PSMF1: variants seen among roughly 807,000 people sequenced by gnomAD.
The protein encoded by PSMF1 is proteasome inhibitor subunit 1.
Under a neutral mutation model 29.3 loss-of-function variants are expected in PSMF1, and 30 were observed. That is an observed-to-expected ratio of 1.02 (90% CI 0.77 to 1.39). The LOEUF is 1.39. PSMF1 is among the 40% of genes most tolerant of loss of function. The pLI, the probability that PSMF1 is intolerant of heterozygous loss-of-function variation, is 0.00. For missense variants in PSMF1, 344 were observed against 357.5 expected (o/e 0.96, Z 0.31); for synonymous variants, 134 against 139.7 (o/e 0.96, Z 0.29).
intron 4 of PSMF1, among the ~76,000 whole-genome samples, chr20:1,144,954 C>T (rs915480045): frequency 2.0e-5 from 3 of 152,026 alleles, no homozygotes; most frequent in African/African-American, 7.2e-5. Context: ...GGTGCGATCT[C>T]GGCTCACTGC....
chr20:1,130,505 T>A (rs913945316), intron 3 of PSMF1, among the ~76,000 whole-genome samples: 1 of 152,234 alleles, frequency 6.6e-6, no homozygotes, highest in Non-Finnish European at 1.5e-5. Context: ...CTCTTCCCTC[T>A]GTCTAAAGTG....
At chr20:1,152,978 C>G (rs1028946602) in intron 4 of PSMF1, among the ~76,000 whole-genome samples, 60 of 152,282 alleles carry the variant, frequency 3.9e-4, no homozygotes, top group African/African-American at 1.3e-3. Flanking sequence ...AAGGACCAAG[C>G]CTGTTTATAG....
chr20:1,166,267 T>A lies in PSMF1; in HGVS notation c.*1187T>A. The A allele has an allele frequency of 6.2e-7, 1 of 1,611,954 alleles. No individual in the cohort carries two copies. The highest frequency in any genetic ancestry group is 8.5e-7 in the Non-Finnish European group (1 of 1,179,448). ...ACGCGGGCAGTGATGAGCCCTGTTC[T>A]GGAGTGGAAAGAGCACGATAGAGCA... On this transcript the variant is annotated 3_prime_UTR_variant, in exon 7 of 7. Transcript: ENST00000335877.
chr20:1,165,571 C>A lies in PSMF1; in HGVS notation c.*491C>A. ...AGGGCTGAATGACTCTTTTTCCTGC[C>A]CAGGGCCCATTCTTGCTTCTCAGGC... On this transcript the variant is annotated 3_prime_UTR_variant, in exon 7 of 7. Coordinates refer to ENST00000335877, the MANE Select transcript of PSMF1 (RefSeq NM_006814.5). 1 of 995,056 alleles carries A rather than the reference C, an allele frequency of 1.0e-6. No individual in the cohort carries two copies. The highest frequency in any genetic ancestry group is 1.1e-4 in the East Asian group (1 of 9,116). 61.6% of individuals were successfully genotyped at this position (995,056 alleles called of 1,614,324 possible).
At chr20:1,132,968 T>G (rs2086249547) in intron 3 of PSMF1, among the ~76,000 whole-genome samples, 1 of 89,538 alleles carries the variant, frequency 1.1e-5, no homozygotes, top group African/African-American at 3.8e-5. Flanking sequence ...AGGGTTTTTT[T>G]GTTTTTTTTT....
intron 1 of PSMF1, among the ~76,000 whole-genome samples, chr20:1,122,211 C>T (rs922791005): frequency 5.3e-5 from 8 of 152,152 alleles, no homozygotes; most frequent in Non-Finnish European, 1.0e-4. Flanking sequence ...CCAAGCACAG[C>T]CCTACACCTG....
In PSMF1 at chr20:1,160,553, G is replaced by A. The variant is rs995200663; in HGVS notation, c.552-2577G>A. On this transcript the variant is annotated intron_variant, in intron 4 of 6. Transcript: ENST00000335877. ...GGCCTGTGCTCCATGTCTTCCCACC[G>A]CTCTGCCGCCCAGCTCCTCCACCGA... 1.0e-4 allele frequency: 45 copies of A among 437,552 alleles called. 1 individual carries two copies. Among genetic ancestry groups the A allele is most frequent in the Admixed American group, 7.5e-4 (31 of 41,082 alleles). 27.1% of individuals were successfully genotyped at this position (437,552 alleles called of 1,614,324 possible). A position where few individuals can be genotyped will look rare whatever the true frequency, so the allele number is the denominator to read the frequency against.
intron 4 of PSMF1, among the ~76,000 whole-genome samples, chr20:1,139,796 A>G (rs938800998): frequency 1.3e-5 from 2 of 152,176 alleles, no homozygotes; most frequent in Non-Finnish European, 2.9e-5. Context: ...TTAGCAATGA[A>G]CAATCTAAAA....
intron 3 of PSMF1, among the ~76,000 whole-genome samples, chr20:1,131,083 G>A (rs1253941377): frequency 1.3e-5 from 2 of 152,266 alleles, no homozygotes; most frequent in Non-Finnish European, 2.9e-5. Flanking sequence ...AGAATGCCGC[G>A]CCTCTGGGTG....
chr20:1,165,311 T>TCAGCTCCTCCCCTTTCACCAC lies in PSMF1; in HGVS notation c.*241_*261dup. On this transcript the variant is annotated 3_prime_UTR_variant, in exon 7 of 7. Coordinates refer to ENST00000335877, the MANE Select transcript of PSMF1 (RefSeq NM_006814.5). ...AGAAATCAGTGTGTCTCTTTCACCA[T>TCAGCTCCTCCCCTTTCACCAC]CAGCTCCTCCCCTTTCACCACCAGC... is the stretch of plus-strand genomic sequence containing the variant. 1.4e-6 allele frequency: 2 copies of TCAGCTCCTCCCCTTTCACCAC among 1,402,170 alleles called. No homozygotes were observed. Among genetic ancestry groups the TCAGCTCCTCCCCTTTCACCAC allele is most frequent in the Non-Finnish European group, 1.8e-6 (2 of 1,081,260 alleles). The allele number at this position is 1,402,170 out of a possible 1,614,324, so 86.9% of individuals were successfully genotyped here. A position where few individuals can be genotyped will look rare whatever the true frequency, so the allele number is the denominator to read the frequency against.
upstream of PSMF1, among the ~76,000 whole-genome samples, chr20:1,113,702 G>GT (rs2085989123): frequency 6.6e-6 from 1 of 150,462 alleles, no homozygotes; most frequent in Non-Finnish European, 1.5e-5. Flanking sequence ...TTTGTTTTTT[G>GT]GTTTTTTTGA....
chr20:1,154,162 TA>T (rs1363751328), intron 4 of PSMF1, among the ~76,000 whole-genome samples: 2 of 152,244 alleles, frequency 1.3e-5, no homozygotes, highest in Non-Finnish European at 2.9e-5. Context: ...ACAGTCACAT[TA>T]AAACATGCTT....
chr20:1,159,560 A>T (rs2086640333), intron 4 of PSMF1, among the ~76,000 whole-genome samples: 3 of 152,190 alleles, frequency 2.0e-5, no homozygotes, highest in South Asian at 2.1e-4. Flanking sequence ...CATATTTCAG[A>T]GCAATCTTTA....
At chr20:1,159,736 C>T (rs191459058) in intron 4 of PSMF1, among the ~76,000 whole-genome samples, 4 of 152,264 alleles carry the variant, frequency 2.6e-5, no homozygotes, top group African/African-American at 9.6e-5. Context: ...CTGCTAGCTC[C>T]ATGAACTGTG....
At chr20:1,157,037 C>T (rs1028778798) in intron 4 of PSMF1, among the ~76,000 whole-genome samples, 1 of 152,156 alleles carries the variant, frequency 6.6e-6, no homozygotes, top group East Asian at 1.9e-4. Context: ...CAAGGAGAGC[C>T]GGTCTGAGTC....
Position 1,135,202 on chromosome 20 carries a change from T to A in PSMF1, c.447T>A (p.Ala149=). 1 of 1,614,134 alleles carries A rather than the reference T, an allele frequency of 6.2e-7. No individual in the cohort carries two copies. The highest frequency in any genetic ancestry group is 8.5e-7 in the Non-Finnish European group (1 of 1,180,024). ...CTATCCATGAGCAGTGGGAAAAGGC[T>A]AATGTAAGCAGTCCCCACCGGGAGT... ...ITPIHEQWEK[A]NVSSPHREFP... Residue 149 remains alanine, a synonymous_variant, in exon 4 of 7, where the codon GCT becomes GCA. Transcript: ENST00000335877.
intron 3 of PSMF1, among the ~76,000 whole-genome samples, chr20:1,131,977 T>G (rs142571552): frequency 1.2e-3 from 185 of 152,266 alleles, no homozygotes; most frequent in African/African-American, 4.1e-3. Context: ...AAGCAGCTCA[T>G]TTTTTACCCA....
Position 1,118,874 on chromosome 20 carries a change from G to T in PSMF1, c.101G>T (p.Gly34Val). The T allele has an allele frequency of 6.2e-7, 1 of 1,614,172 alleles. No homozygotes were observed. Among genetic ancestry groups the T allele is most frequent in the Non-Finnish European group, 8.5e-7 (1 of 1,179,982 alleles). Residue 34 changes from glycine to valine, a missense_variant, in exon 1 of 7, where the codon GGT (glycine) becomes GTT (valine). Coordinates refer to ENST00000335877, the MANE Select transcript of PSMF1 (RefSeq NM_006814.5). ...CFLHWEVVTH[G>V]YFGLGVGDQP... ...TTGCATTGGGAAGTGGTGACACACGGTTACTTCGGCTTGGGTGTCGGTGAC... is the reference window on the plus strand; with the variant it reads ...TTGCATTGGGAAGTGGTGACACACGTTTACTTCGGCTTGGGTGTCGGTGAC...
chr20:1,151,372 G>A (rs1308396647), intron 4 of PSMF1, among the ~76,000 whole-genome samples: 1 of 152,204 alleles, frequency 6.6e-6, no homozygotes, highest in Non-Finnish European at 1.5e-5. Context: ...GTAAATTATT[G>A]AATTCTACTT....
Sources: allele counts gnomAD v4.1 joint callset (sites outside exome capture counted in the v4.1 genomes callset), GRCh38; gene constraint gnomAD v4.1.1; transcripts MANE v1.5; gene names NCBI Gene and HGNC (gene_info 2026-07-23, HGNC 2026-07-21).